The following CDS2 variants were observed in gnomAD, a reference collection of about 807,000 sequenced individuals.
CDS2 encodes the protein phosphatidate cytidylyltransferase 2.
In CDS2, 47 loss-of-function variants were observed where a neutral mutation model predicts 59.0. The observed-to-expected ratio is 0.80, with a 90% CI of 0.63 to 1.02. CDS2 has a LOEUF of 1.02. Among genes scored for constraint, CDS2 ranks in the 50% least tolerant of loss-of-function variants. CDS2 has a pLI of 0.00. For missense variants in CDS2, 356 were observed against 558.9 expected, an observed-to-expected ratio of 0.64 and a Z score of 3.66; for synonymous variants, 207 against 206.4, an observed-to-expected ratio of 1.00 and a Z score of -0.02.
rs527966409 is a variant in CDS2, at chr20:5,144,210, A to C, written c.57+17061A>C. ...GGTTTTAATTTCTTCTGTAGATATA[A>C]TCTACATAAACAACTATTGGGATCC... On this transcript the variant is annotated intron_variant, in intron 1 of 12. Coordinates refer to ENST00000460006, the MANE Select transcript of CDS2 (RefSeq NM_003818.4). Among the ~76,000 whole-genome samples the C allele has an allele frequency of 2.0e-5, 3 of 152,218 alleles. No homozygotes were observed. In the South Asian group the frequency reaches 6.2e-4, roughly 31 times the overall value.
At chr20:5,154,789 G>A (rs1202849709) in intron 1 of CDS2, among the ~76,000 whole-genome samples, 2 of 152,080 alleles carry the variant, frequency 1.3e-5, no homozygotes, top group Admixed American at 6.5e-5. Context: ...CTGGGACTAC[G>A]GGTGCGTGCC....
intron 11 of CDS2, 56 bp from the exon 12 acceptor site, chr20:5,189,679 T>C: frequency 7.7e-7 from 1 of 1,305,110 alleles, no homozygotes; most frequent in Non-Finnish European, 1.1e-6. Flanking sequence ...ACCATTAGGC[T>C]GGGATTGGTT....
chr20:5,181,761 G>C (rs1375882185), intron 5 of CDS2, among the ~76,000 whole-genome samples: 1 of 152,142 alleles, frequency 6.6e-6, no homozygotes, highest in Non-Finnish European at 1.5e-5. Context: ...TTCTCTTAGA[G>C]TACAAACCTG....
chr20:5,162,418 A>G (rs911883361), intron 1 of CDS2, among the ~76,000 whole-genome samples: 1 of 152,188 alleles, frequency 6.6e-6, no homozygotes, highest in Admixed American at 6.5e-5. Flanking sequence ...GCTACCTCTC[A>G]GGTTTCTGGC....
chr20:5,133,277 G>A (rs565302832), intron 1 of CDS2, among the ~76,000 whole-genome samples: 2 of 152,236 alleles, frequency 1.3e-5, no homozygotes, highest in African/African-American at 4.8e-5. Flanking sequence ...TTAGGAACAG[G>A]GTCTCACCTT....
At position 5,193,535 on chromosome 20, in the gene CDS2, A is replaced by T. The variant is rs1333377002; in HGVS notation, c.*3301A>T. 6.6e-6 allele frequency: 1 copy of T among 152,234 alleles called. No homozygotes were observed. The highest frequency in any genetic ancestry group is 1.9e-4 in the East Asian group (1 of 5,202). 9.4% of individuals were successfully genotyped at this position (152,234 alleles called of 1,614,324 possible). ...CAGACCTTGTGATTTGGTCTGAGCT[A>T]GTTGCTGAGTTGACTGGAGCCTTAT... On this transcript the variant is annotated 3_prime_UTR_variant, in exon 13 of 13. Coordinates refer to ENST00000460006, the MANE Select transcript of CDS2 (RefSeq NM_003818.4).
At chr20:5,144,656 GTTTC>G (rs2090724622) in intron 1 of CDS2, among the ~76,000 whole-genome samples, 1 of 151,776 alleles carries the variant, frequency 6.6e-6, no homozygotes, top group Non-Finnish European at 1.5e-5. Context: ...TTTCCTACAT[GTTTC>G]TTTGTTAAAA....
rs1171582158 is a variant in CDS2, at chr20:5,190,205, A to T, written c.1309A>T (p.Met437Leu). The T allele has an allele frequency of 2.5e-6, 4 of 1,613,958 alleles. No homozygotes were observed. Among genetic ancestry groups the T allele is most frequent in the African/African-American group, 2.7e-5 (2 of 74,912 alleles). The change falls in exon 13 of 13, where the codon ATG (methionine) becomes TTG (leucine). Residue 437 changes from methionine to leucine, a missense_variant. Met to Leu is a conservative substitution (Grantham distance 15). Coordinates refer to ENST00000460006, the MANE Select transcript of CDS2 (RefSeq NM_003818.4). The stretch of plus-strand genomic sequence containing the variant: ...GCGGTCTCATCTGATCGACAAAGGG[A>T]TGCTGACATCCACCACAGAGGACGA... ...TLRSHLIDKG[M>L]LTSTTEDE
chr20:5,161,735 T>C (rs2090878033), intron 1 of CDS2, among the ~76,000 whole-genome samples: 1 of 152,222 alleles, frequency 6.6e-6, no homozygotes, highest in South Asian at 2.1e-4. Flanking sequence ...AGTACTGCAG[T>C]AGAGTATGCT....
At chr20:5,173,085 A>T (rs563964031) in intron 1 of CDS2, among the ~76,000 whole-genome samples, 1 of 152,242 alleles carries the variant, frequency 6.6e-6, no homozygotes, top group African/African-American at 2.4e-5. Flanking sequence ...GACTTGGGAC[A>T]TGTTGACATT....
chr20:5,133,301 G>A (rs1391722743), intron 1 of CDS2, among the ~76,000 whole-genome samples: 1 of 152,160 alleles, frequency 6.6e-6, no homozygotes, highest in African/African-American at 2.4e-5. Context: ...GCCCAGGCTG[G>A]AGTGTAGTGG....
Position 5,190,108 on chromosome 20 carries a change from T to G in CDS2, c.1212T>G (p.Pro404=). 1 of 1,613,954 alleles carries G rather than the reference T, an allele frequency of 6.2e-7. No homozygotes were observed. The change falls in exon 13 of 13, where the codon CCT becomes CCG. Residue 404 remains proline, a synonymous_variant. Coordinates refer to ENST00000460006, the MANE Select transcript of CDS2 (RefSeq NM_003818.4). ...TCTTCACATTCTGTTCCAGAGGCCC[T>G]AACCCAAGCAAACTGATTCAGCAGT... The part of the protein sequence containing the change: ...NVYIASFIRG[P]NPSKLIQQFL...
At chr20:5,178,060 G>C (rs920997823) in intron 4 of CDS2, among the ~76,000 whole-genome samples, 1 of 152,176 alleles carries the variant, frequency 6.6e-6, no homozygotes, top group African/African-American at 2.4e-5. Context: ...CTTGCTGGGG[G>C]TTTGCAGTGA....
intron 1 of CDS2, among the ~76,000 whole-genome samples, chr20:5,133,129 C>G (rs2090621511): frequency 6.6e-6 from 1 of 151,774 alleles, no homozygotes; most frequent in South Asian, 2.1e-4. Flanking sequence ...GAGCCGAGAT[C>G]CCACCACTGC....
intron 1 of CDS2, 70 bp downstream of exon 1, chr20:5,127,219 C>T (rs1056733353): frequency 7.5e-7 from 1 of 1,326,400 alleles, no homozygotes; most frequent in Non-Finnish European, 1.0e-6. Flanking sequence ...GGGACGCGCG[C>T]AGAGGGGTCG....
intron 4 of CDS2, among the ~76,000 whole-genome samples, chr20:5,177,146 G>A (rs1204251644): frequency 1.3e-5 from 2 of 151,962 alleles, no homozygotes; most frequent in South Asian, 2.1e-4. Flanking sequence ...TGTTTGCCTC[G>A]CTATTTGGAT....
intron 1 of CDS2, among the ~76,000 whole-genome samples, chr20:5,134,527 A>G (rs546811576): frequency 6.6e-6 from 1 of 152,066 alleles, no homozygotes; most frequent in East Asian, 1.9e-4. Flanking sequence ...TTATTTATCT[A>G]TTTATTTTTT....
Position 5,184,154 on chromosome 20 carries a change from TCAAAAA to T in CDS2, c.672-695_672-690del, listed in dbSNP as rs1409379242. 6.6e-6 allele frequency among the ~76,000 whole-genome samples: 1 copy of T among 151,898 alleles called. No individual in the cohort carries two copies. The highest frequency in any genetic ancestry group is 1.5e-5 in the Non-Finnish European group (1 of 68,010). On this transcript the variant is annotated intron_variant, in intron 7 of 12. Coordinates refer to ENST00000460006, the MANE Select transcript of CDS2 (RefSeq NM_003818.4). This position sits in a 1 kb window ranked among gnomAD's most constrained non-coding sequence, Gnocchi z 4.3. ...CAGCCTGGGCAACAGAGACTCTGTC[TCAAAAA>T]CAAAAACAGAAACAAACAAACAAAC...
chr20:5,130,592 C>G (rs774633018), intron 1 of CDS2, among the ~76,000 whole-genome samples: 1 of 150,602 alleles, frequency 6.6e-6, no homozygotes, highest in Non-Finnish European at 1.5e-5. Flanking sequence ...GCCTGACCAA[C>G]GGGGTTTTAG....
Sources: gnomAD v4.1 joint callset for allele counts (sites outside exome capture counted in the v4.1 genomes callset) on GRCh38, gnomAD v4.1.1 for gene constraint, Gnocchi (gnomAD v3.1) non-coding constraint, MANE v1.5 for transcripts, NCBI Gene and HGNC (gene_info 2026-07-23, HGNC 2026-07-21) for gene names.